TAFA2: variants seen among roughly 807,000 people sequenced by gnomAD.
TAFA2 encodes the protein chemokine-like protein TAFA-2.
Under a neutral mutation model 18.8 loss-of-function variants are expected in TAFA2, and 7 were observed. The observed-to-expected ratio is 0.37, with a 90% CI of 0.21 to 0.70. The LOEUF (loss-of-function observed/expected upper bound fraction) is 0.70, where lower values mean the gene tolerates loss of function less well. Among genes scored for constraint, TAFA2 ranks in the 30% least tolerant of loss-of-function variants. TAFA2 has a pLI of 0.53. For missense variants in TAFA2, 122 were observed against 158.1 expected, an observed-to-expected ratio of 0.77 and a Z score of 1.23; for synonymous variants, 60 against 54.2, an observed-to-expected ratio of 1.11 and a Z score of -0.47.
At chr12:61,827,792 A>G (rs1292989966) in intron 2 of TAFA2, among the ~76,000 whole-genome samples, 2 of 152,016 alleles carry the variant, frequency 1.3e-5, no homozygotes, top group Non-Finnish European at 2.9e-5. Context: ...GTATAGATTA[A>G]CCTACTTTGT....
intron 1 of TAFA2, among the ~76,000 whole-genome samples, chr12:62,084,086 C>A (rs1255226526): frequency 2.0e-5 from 3 of 152,094 alleles, no homozygotes; most frequent in Non-Finnish European, 2.9e-5. Context: ...AAAAAGCCAA[C>A]CTTTCATCAA....
chr12:62,062,084 G>A (rs886163436), intron 1 of TAFA2, among the ~76,000 whole-genome samples: 28 of 152,252 alleles, frequency 1.8e-4, no homozygotes, highest in Non-Finnish European at 3.5e-4. Flanking sequence ...TGAGGCATGG[G>A]AATTGCTTGA....
At chr12:61,753,023 C>A (rs1300622204) in intron 4 of TAFA2, among the ~76,000 whole-genome samples, 1 of 151,926 alleles carries the variant, frequency 6.6e-6, no homozygotes, top group Non-Finnish European at 1.5e-5. Flanking sequence ...TCTACCATCA[C>A]CGAGAGGTCA....
intron 1 of TAFA2, among the ~76,000 whole-genome samples, chr12:61,982,876 C>CAAAAAAAAAAAAAAAAAAAAAAA (rs3031097): frequency 3.0e-5 from 3 of 101,608 alleles, no homozygotes; most frequent in African/African-American, 7.3e-5. Context: ...AAGTGGAAGG[C>CAAAAAAAAAAAAAAAAAAAAAAA]AAAAAAAAAA....
At chr12:62,133,021 TA>T in intron 1 of TAFA2, among the ~76,000 whole-genome samples, 1 of 152,102 alleles carries the variant, frequency 6.6e-6, no homozygotes, top group Non-Finnish European at 1.5e-5. Context: ...GAATGTGGAA[TA>T]ATTATTTGTG....
chr12:62,178,260 T>G (rs1304906199), intron 1 of TAFA2, among the ~76,000 whole-genome samples: 1 of 152,130 alleles, frequency 6.6e-6, no homozygotes, highest in Non-Finnish European at 1.5e-5. Flanking sequence ...TGATTGTACC[T>G]CTGCGCTCCA....
At chr12:62,071,075 GAC>G (rs1430793072) in intron 1 of TAFA2, among the ~76,000 whole-genome samples, 1 of 152,210 alleles carries the variant, frequency 6.6e-6, no homozygotes, top group Non-Finnish European at 1.5e-5. Flanking sequence ...ACCTCTTGCA[GAC>G]ACAGTTCTGA....
At chr12:61,807,691 A>T (rs1365472900) in intron 2 of TAFA2, among the ~76,000 whole-genome samples, 1 of 151,452 alleles carries the variant, frequency 6.6e-6, no homozygotes, top group Non-Finnish European at 1.5e-5. Context: ...GAGCTTCCCA[A>T]GACCATGGGA....
intron 4 of TAFA2, among the ~76,000 whole-genome samples, chr12:61,741,028 T>C (rs956819529): frequency 1.3e-5 from 2 of 152,068 alleles, no homozygotes; most frequent in African/African-American, 2.4e-5. Flanking sequence ...GAGTTTTATA[T>C]CTTAGATCAC....
chr12:61,858,153 G>T (rs879343592), intron 2 of TAFA2, among the ~76,000 whole-genome samples: 1 of 152,158 alleles, frequency 6.6e-6, no homozygotes. Flanking sequence ...GCACAATCAC[G>T]AGCCCTGTGA....
intron 1 of TAFA2, chr12:61,880,027 G>T: frequency 2.7e-6 from 2 of 729,104 alleles, no homozygotes; most frequent in Non-Finnish European, 5.0e-6. Flanking sequence ...TCTGGGAGCT[G>T]CAGTCCCTGA....
intron 1 of TAFA2, among the ~76,000 whole-genome samples, chr12:61,955,635 ATATATATAT>A (rs1878660471): frequency 2.4e-4 from 3 of 12,476 alleles, no homozygotes; most frequent in Admixed American, 1.6e-3. Flanking sequence ...AAAAAAAAAT[ATATATATAT>A]ATATATATAT....
intron 2 of TAFA2, among the ~76,000 whole-genome samples, chr12:61,782,966 T>C (rs1219894054): frequency 2.0e-5 from 3 of 151,676 alleles, no homozygotes; most frequent in African/African-American, 7.3e-5. Flanking sequence ...ACAACTGACA[T>C]TTATCATTTT....
At chr12:62,159,654 A>C (rs2062393168) in intron 1 of TAFA2, among the ~76,000 whole-genome samples, 1 of 152,090 alleles carries the variant, frequency 6.6e-6, no homozygotes, top group Admixed American at 6.5e-5. Context: ...TTAGGAGCTA[A>C]GCTATGAGGA....
At chr12:61,968,139 T>C (rs528465605) in intron 1 of TAFA2, among the ~76,000 whole-genome samples, 1 of 151,972 alleles carries the variant, frequency 6.6e-6, no homozygotes, top group East Asian at 1.9e-4. Context: ...GTGAGATATA[T>C]AGACAATGAA....
At chr12:61,876,339 C>T (rs563737264) in intron 1 of TAFA2, among the ~76,000 whole-genome samples, 2 of 152,178 alleles carry the variant, frequency 1.3e-5, no homozygotes, top group Admixed American at 6.5e-5. Context: ...GTGAGAACAA[C>T]GAAAACAATC....
intron 1 of TAFA2, among the ~76,000 whole-genome samples, chr12:62,135,350 C>A (rs1375588607): frequency 6.6e-6 from 1 of 151,978 alleles, no homozygotes; most frequent in Non-Finnish European, 1.5e-5. Flanking sequence ...TGATATCAAG[C>A]AAAATGTCAG....
At chr12:62,044,660 T>G (rs1489817038) in intron 1 of TAFA2, among the ~76,000 whole-genome samples, 2 of 152,156 alleles carry the variant, frequency 1.3e-5, no homozygotes, top group Non-Finnish European at 2.9e-5. Flanking sequence ...TCAACAGTCC[T>G]AGGCAGACTT....
At chr12:62,241,185 C>T (rs1329753914) in intron 1 of TAFA2, among the ~76,000 whole-genome samples, 1 of 152,172 alleles carries the variant, frequency 6.6e-6, no homozygotes, top group African/African-American at 2.4e-5. Context: ...CCCTTTGCAG[C>T]ACATGAGGAG....
Sources: allele counts gnomAD v4.1 joint callset (sites outside exome capture counted in the v4.1 genomes callset), GRCh38; gene constraint gnomAD v4.1.1; transcripts MANE v1.5; gene names NCBI Gene and HGNC (gene_info 2026-07-23, HGNC 2026-07-21).